NRIP1: variants seen among roughly 807,000 people sequenced by gnomAD.
NRIP1 encodes the protein nuclear receptor interacting protein 1.
In NRIP1, 28 loss-of-function variants were observed where a neutral mutation model predicts 75.0. The observed-to-expected ratio is 0.37, with a 90% confidence interval of 0.28 to 0.51. The LOEUF (loss-of-function observed/expected upper bound fraction) is 0.51, where lower values mean the gene tolerates loss of function less well. Among genes scored for constraint, NRIP1 ranks in the 20% least tolerant of loss-of-function variants. NRIP1 has a pLI of 0.92. For synonymous variants in NRIP1, 526 were observed against 487.6 expected (o/e 1.08, Z -1.04); for missense variants, 1,435 against 1,343.7 (o/e 1.07, Z -1.06).
chr21:14,970,024 T>C (rs1235739071), intron 3 of NRIP1, among the ~76,000 whole-genome samples: 2 of 152,280 alleles, frequency 1.3e-5, no homozygotes, highest in Non-Finnish European at 2.9e-5. Flanking sequence ...CAAATATCCA[T>C]TCTCCCATTT....
intron 3 of NRIP1, among the ~76,000 whole-genome samples, chr21:15,004,450 T>C (rs1429129932): frequency 1.3e-5 from 2 of 152,246 alleles, no homozygotes; most frequent in Non-Finnish European, 2.9e-5. Flanking sequence ...TCTTAGATTG[T>C]TCTGCTCCAA....
Position 14,967,116 on chromosome 21 carries a change from A to C in NRIP1, c.1077T>G (p.Asn359Lys). The C allele has an allele frequency of 9.9e-6, 16 of 1,614,048 alleles. No individual in the cohort carries two copies. Among genetic ancestry groups the C allele is most frequent in the Non-Finnish European group, 1.4e-5 (16 of 1,179,976 alleles). The change falls in exon 4 of 4, where the codon AAT (asparagine) becomes AAG (lysine). Residue 359 changes from asparagine to lysine, a missense_variant. Coordinates refer to ENST00000318948, the MANE Select transcript of NRIP1 (RefSeq NM_003489.4). ...TTTCCAGTGAGTTCTTATAACCTGC[A>C]TTTTTAGGGGAAGAAGGAATGATAC... The part of the protein sequence containing the change: ...PMGIIPSSPK[N>K]AGYKNSLERN...
Position 14,968,233 on chromosome 21 carries a change from T to C in NRIP1, c.-41A>G. On this transcript the variant is annotated 5_prime_UTR_variant, in exon 4 of 4. Transcript: ENST00000318948. ...TCACAAGGGCTTGGTTTCTATTCAC[T>C]TTAAAGAATGGTTTTCTGTGGTGAG... 1 of 1,424,336 alleles carries C rather than the reference T, an allele frequency of 7.0e-7. No homozygotes were observed. The highest frequency in any genetic ancestry group is 9.6e-7 in the Non-Finnish European group (1 of 1,039,526). 88.2% of individuals were successfully genotyped at this position (1,424,336 alleles called of 1,614,324 possible).
chr21:15,016,928 G>GAGAA (rs932362877), intron 2 of NRIP1, among the ~76,000 whole-genome samples: 1 of 144,792 alleles, frequency 6.9e-6, no homozygotes, highest in Non-Finnish European at 1.5e-5. Context: ...GAGAGAGAGA[G>GAGAA]AGAAAGAAAG....
chr21:15,026,336 A>G (rs1031370609), intron 2 of NRIP1, among the ~76,000 whole-genome samples: 1 of 152,228 alleles, frequency 6.6e-6, no homozygotes, highest in Non-Finnish European at 1.5e-5. Context: ...AGATCATAAT[A>G]CGATGCCACT....
intron 3 of NRIP1, among the ~76,000 whole-genome samples, chr21:14,977,307 T>A (rs1203562998): frequency 6.6e-6 from 1 of 152,180 alleles, no homozygotes; most frequent in Admixed American, 6.5e-5. Flanking sequence ...TTCGGAGAAC[T>A]CTCGTTGTTC....
intron 2 of NRIP1, among the ~76,000 whole-genome samples, chr21:15,028,116 T>C (rs764277010): frequency 9.9e-5 from 15 of 152,212 alleles, no homozygotes; most frequent in Admixed American, 2.0e-4. Flanking sequence ...GTATCTAGCA[T>C]GTGAAAGGTA....
intron 3 of NRIP1, among the ~76,000 whole-genome samples, chr21:15,010,818 G>A (rs932117945): frequency 6.6e-6 from 1 of 152,164 alleles, no homozygotes; most frequent in Non-Finnish European, 1.5e-5. Flanking sequence ...AAGATGGCTG[G>A]CTGTGAGAAA....
At chr21:14,979,164 G>A (rs1353243920) in intron 3 of NRIP1, among the ~76,000 whole-genome samples, 2 of 152,158 alleles carry the variant, frequency 1.3e-5, no homozygotes, top group Admixed American at 6.5e-5. Flanking sequence ...AGAAAAGAGT[G>A]TAAATACAAA....
intron 3 of NRIP1, among the ~76,000 whole-genome samples, chr21:14,973,678 ATTT>A (rs11293384): frequency 2.8e-5 from 4 of 142,042 alleles, no homozygotes; most frequent in Admixed American, 7.0e-5. Flanking sequence ...AGCTCGCATA[ATTT>A]TTTTTTTTTT....
chr21:14,984,685 T>C (rs903103611), intron 3 of NRIP1, among the ~76,000 whole-genome samples: 7 of 152,216 alleles, frequency 4.6e-5, no homozygotes, highest in Admixed American at 2.0e-4. Context: ...CAACACATGC[T>C]ACAGAGAAAT....
In NRIP1 at chr21:14,966,423, C is replaced by T; in HGVS notation, c.1770G>A (p.Lys590=). The change falls in exon 4 of 4, where the codon AAG becomes AAA. Residue 590 remains lysine (K), a synonymous_variant. Coordinates refer to ENST00000318948, the MANE Select transcript of NRIP1 (RefSeq NM_003489.4). ...AGTGGTTAGATGCAGTATTTGTTAGCTTTTCAGACTGAGTACTGCAGACAT... is the reference window on the plus strand; with the variant it reads ...AGTGGTTAGATGCAGTATTTGTTAGTTTTTCAGACTGAGTACTGCAGACAT... ...PPYVCSTQSE[K]LTNTASNHSM... The T allele has an allele frequency of 6.2e-7, 1 of 1,614,064 alleles. No individual in the cohort carries two copies. Among genetic ancestry groups the T allele is most frequent in the Non-Finnish European group, 8.5e-7 (1 of 1,179,970 alleles).
chr21:15,012,447 CTTTTTTTTTTTTT>C (rs869160226), intron 3 of NRIP1, among the ~76,000 whole-genome samples: 6 of 79,366 alleles, frequency 7.6e-5, no homozygotes, highest in African/African-American at 2.5e-4. Context: ...ATTATAATGT[CTTTTTTTTTTTTT>C]TTTTTTTTTT....
chr21:15,039,389 A>G (rs1400680432), intron 2 of NRIP1, among the ~76,000 whole-genome samples: 1 of 152,076 alleles, frequency 6.6e-6, no homozygotes, highest in African/African-American at 2.4e-5. Context: ...AAGTTTCCAT[A>G]TTGACTGTTC....
rs760536909 is a variant in NRIP1 at position 14,967,020 on chromosome 21, C to A, written c.1173G>T (p.Lys391Asn). ...CACTGTGACTGTGTCCATTCATTGG[C>A]TTAGGTATAGTCTGGCTTTTAAGAA... ...LHLLKSQTIPKPMNGHSHSER... is the reference protein window; with the variant it reads ...LHLLKSQTIPNPMNGHSHSER... The change falls in exon 4 of 4, where the codon AAG (lysine) becomes AAT (asparagine). Residue 391 changes from lysine (K) to asparagine (N), a missense_variant. Physicochemically the swap from Lys to Asn is moderately conservative, Grantham distance 94. Transcript: ENST00000318948. 6 of 1,614,162 alleles carry A rather than the reference C, an allele frequency of 3.7e-6. No homozygotes were observed. In the Admixed American group the frequency reaches 5.0e-5, roughly 13 times the overall value.
intron 3 of NRIP1, among the ~76,000 whole-genome samples, chr21:14,992,039 T>C (rs1233815409): frequency 6.6e-6 from 1 of 152,140 alleles, no homozygotes; most frequent in East Asian, 1.9e-4. Flanking sequence ...GTCAGTCTTG[T>C]TTTGTTTTGT....
At chr21:15,018,617 A>C (rs1213067420) in intron 2 of NRIP1, among the ~76,000 whole-genome samples, 1 of 152,224 alleles carries the variant, frequency 6.6e-6, no homozygotes, top group Non-Finnish European at 1.5e-5. Flanking sequence ...AAGGAAAAAA[A>C]TGGTAACAAA....
intron 3 of NRIP1, among the ~76,000 whole-genome samples, chr21:15,001,894 CAT>C (rs1373608090): frequency 2.6e-5 from 4 of 152,130 alleles, no homozygotes; most frequent in Non-Finnish European, 5.9e-5. Flanking sequence ...CTCTGCCTCA[CAT>C]GTTTCAAGCA....
At chr21:15,021,221 T>C (rs1328037927) in intron 2 of NRIP1, among the ~76,000 whole-genome samples, 3 of 152,212 alleles carry the variant, frequency 2.0e-5, no homozygotes, top group Admixed American at 1.3e-4. Flanking sequence ...GGGAATGAAC[T>C]AATGATTCAC....
Sources: allele counts gnomAD v4.1 joint callset (sites outside exome capture counted in the v4.1 genomes callset), GRCh38; gene constraint gnomAD v4.1.1; transcripts MANE v1.5; gene names NCBI Gene and HGNC (gene_info 2026-07-23, HGNC 2026-07-21).